The following FBXL17 variants were observed in gnomAD, a reference collection of about 807,000 sequenced individuals.
The protein encoded by FBXL17 is F-box and leucine rich repeat protein 17.
Under a neutral mutation model 66.2 loss-of-function variants are expected in FBXL17, and 22 were observed. The observed-to-expected ratio is 0.33, with a 90% CI of 0.24 to 0.47. The LOEUF (loss-of-function observed/expected upper bound fraction) is 0.47. FBXL17 is among the 20% of genes least tolerant of loss of function. The pLI, the probability that FBXL17 is intolerant of heterozygous loss-of-function variation, is 1.00. For synonymous variants in FBXL17, 474 were observed against 400.5 expected, an observed-to-expected ratio of 1.18 and a Z score of -2.19; for missense variants, 878 against 948.2, an observed-to-expected ratio of 0.93 and a Z score of 0.97.
At chr5:108,374,260 A>G (rs925322419) in intron 1 of FBXL17, among the ~76,000 whole-genome samples, 6 of 152,226 alleles carry the variant, frequency 3.9e-5, no homozygotes, top group Non-Finnish European at 8.8e-5. Flanking sequence ...GAAGTGCATA[A>G]AAACATTCTC....
intron 7 of FBXL17, among the ~76,000 whole-genome samples, chr5:107,930,928 A>G (rs376836603): frequency 7.1e-4 from 108 of 152,298 alleles, no homozygotes; most frequent in African/African-American, 2.4e-3. Context: ...TTGATTGTTC[A>G]GCATCTTTTG....
At chr5:108,164,474 C>A (rs114211737) in intron 6 of FBXL17, among the ~76,000 whole-genome samples, 2 of 152,076 alleles carry the variant, frequency 1.3e-5, no homozygotes, top group African/African-American at 4.8e-5. Flanking sequence ...ATTTACTTAA[C>A]GTCTTATTTC....
intron 5 of FBXL17, among the ~76,000 whole-genome samples, chr5:108,196,389 C>A (rs1460408726): frequency 2.0e-5 from 3 of 152,150 alleles, no homozygotes; most frequent in African/African-American, 4.8e-5. Flanking sequence ...GCATTCAGAG[C>A]AGGAGACTCT....
At chr5:107,919,417 C>A (rs1364038761) in intron 7 of FBXL17, among the ~76,000 whole-genome samples, 1 of 152,176 alleles carries the variant, frequency 6.6e-6, no homozygotes, top group African/African-American at 2.4e-5. Context: ...AAGATCTACT[C>A]TCATGAACAG....
At position 108,173,409 on chromosome 5, in the gene FBXL17, TA is replaced by T. The variant is rs879460879; in HGVS notation, c.1745+12707del. Among the ~76,000 whole-genome samples the T allele has an allele frequency of 2.9e-3, 444 of 151,642 alleles. 5 individuals are homozygous for T. The highest frequency in any genetic ancestry group is 0.027 in the Admixed American group (405 of 15,230). On this transcript the variant is annotated intron_variant, in intron 6 of 8. Transcript: ENST00000542267. ...AACTTAAAGTATAATAATAATAAAA[TA>T]AAAAAAAGAAAATAATCCCTAGAGA...
In FBXL17 at chr5:107,983,474, A is replaced by G. The variant is rs1010509865; in HGVS notation, c.1822+37451T>C. Among the ~76,000 whole-genome samples the G allele has an allele frequency of 2.6e-5, 4 of 152,152 alleles. No individual in the cohort carries two copies. The South Asian group carries it at 8.3e-4, about 32-fold the overall frequency. On this transcript the variant is annotated intron_variant, in intron 7 of 8. Coordinates refer to ENST00000542267, the MANE Select transcript of FBXL17 (RefSeq NM_001163315.3). ...CTCCCAAAGTGTTGAGATAACAGGC[A>G]TGAGCCACTGGGCCCACCCAGCATT...
chr5:108,212,219 T>C (rs1444175026), intron 5 of FBXL17, among the ~76,000 whole-genome samples: 1 of 152,202 alleles, frequency 6.6e-6, no homozygotes, highest in Non-Finnish European at 1.5e-5. Flanking sequence ...CTATTCCAGT[T>C]AGCGATTCGT....
At chr5:107,968,902 G>GA (rs752514336) in intron 7 of FBXL17, among the ~76,000 whole-genome samples, 3 of 151,800 alleles carry the variant, frequency 2.0e-5, no homozygotes, top group Non-Finnish European at 2.9e-5. Context: ...AGGAATACAA[G>GA]AACACTAAAA....
At chr5:108,246,514 TA>T (rs1371546637) in intron 4 of FBXL17, among the ~76,000 whole-genome samples, 5 of 151,592 alleles carry the variant, frequency 3.3e-5, no homozygotes, top group Non-Finnish European at 5.9e-5. Flanking sequence ...CTCAAAAAAA[TA>T]AAAAAAGGGC....
At chr5:107,983,010 C>CT (rs1298114444) in intron 7 of FBXL17, among the ~76,000 whole-genome samples, 4 of 151,234 alleles carry the variant, frequency 2.6e-5, no homozygotes, top group Admixed American at 2.0e-4. Context: ...CAAGTCATTC[C>CT]TTTTTTTTTC....
chr5:108,054,612 T>A (rs1374546471), intron 6 of FBXL17, among the ~76,000 whole-genome samples: 1 of 152,198 alleles, frequency 6.6e-6, no homozygotes, highest in Non-Finnish European at 1.5e-5. Context: ...CTGAATGGGT[T>A]AAGAGTAGGG....
intron 8 of FBXL17, among the ~76,000 whole-genome samples, chr5:107,865,064 C>T (rs1580663962): frequency 6.6e-6 from 1 of 152,178 alleles, no homozygotes; most frequent in African/African-American, 2.4e-5. Context: ...AAATGTAGTC[C>T]AAGCCACTTG....
intron 4 of FBXL17, among the ~76,000 whole-genome samples, chr5:108,301,312 AAAG>A (rs1244978593): frequency 6.6e-6 from 1 of 151,836 alleles, no homozygotes; most frequent in East Asian, 1.9e-4. Flanking sequence ...TGCATAATAA[AAAG>A]AAGTTTTAAA....
intron 7 of FBXL17, among the ~76,000 whole-genome samples, chr5:107,923,356 A>T (rs1012971704): frequency 9.9e-5 from 15 of 151,998 alleles, no homozygotes; most frequent in Non-Finnish European, 1.9e-4. Context: ...ATCCTTTCCC[A>T]GTCTTGGTAA....
rs886808138 is a variant in FBXL17 at position 108,108,420 on chromosome 5, T to C, written c.1745+77697A>G. On this transcript the variant is annotated intron_variant, in intron 6 of 8. Coordinates refer to ENST00000542267, the MANE Select transcript of FBXL17 (RefSeq NM_001163315.3). ...CTTAATGAAAGTGTTTAGAAAACTA[T>C]AAAGTATCATGAGCTCTTTAGATAT... Among the ~76,000 whole-genome samples the C allele has an allele frequency of 3.9e-5, 6 of 152,342 alleles. 1 individual carries two copies. The East Asian group carries it at 1.2e-3, about 29-fold the overall frequency.
intron 4 of FBXL17, among the ~76,000 whole-genome samples, chr5:108,274,655 A>G (rs144944013): frequency 2.0e-5 from 3 of 152,324 alleles, no homozygotes; most frequent in Non-Finnish European, 2.9e-5. Flanking sequence ...TGGGGAAGTG[A>G]TAAGTGTCCA....
chr5:108,278,051 G>A (rs1230945579), intron 4 of FBXL17, among the ~76,000 whole-genome samples: 2 of 152,154 alleles, frequency 1.3e-5, no homozygotes, highest in Non-Finnish European at 2.9e-5. Flanking sequence ...AAACTAGGAA[G>A]GAAAAGGAGA....
chr5:107,973,921 G>C (rs545966593), intron 7 of FBXL17, among the ~76,000 whole-genome samples: 20 of 151,780 alleles, frequency 1.3e-4, no homozygotes, highest in African/African-American at 4.6e-4. Flanking sequence ...ATAAAGAGTA[G>C]CAACTTATGG....
chr5:107,984,047 T>G lies in FBXL17; in HGVS notation c.1822+36878A>C, dbSNP rs189221558. Among the ~76,000 whole-genome samples, 140 of 152,292 alleles carry G rather than the reference T, an allele frequency of 9.2e-4. 1 individual carries two copies. Among genetic ancestry groups the G allele is most frequent in the African/African-American group, 3.3e-3 (137 of 41,568 alleles). ...ATTTTTATAAGTCTTCTTGTATCTG[T>G]AAATTCTTTATATTCTATTAATTTC... On this transcript the variant is annotated intron_variant, in intron 7 of 8. Coordinates refer to ENST00000542267, the MANE Select transcript of FBXL17 (RefSeq NM_001163315.3).
Sources: allele counts gnomAD v4.1 joint callset (sites outside exome capture counted in the v4.1 genomes callset), GRCh38; gene constraint gnomAD v4.1.1; transcripts MANE v1.5; gene names NCBI Gene and HGNC (gene_info 2026-07-23, HGNC 2026-07-21).